The following TSC2 variants were observed in gnomAD, a reference collection of about 807,000 sequenced individuals.
The protein encoded by TSC2 is TSC complex subunit 2, also known as tuberin.
Under a neutral mutation model 202.2 loss-of-function variants are expected in TSC2, and 29 were observed. That is an observed-to-expected ratio of 0.14 (90% CI 0.11 to 0.20). TSC2 has a LOEUF of 0.20. Among genes scored for constraint, TSC2 ranks in the 10% least tolerant of loss-of-function variants. TSC2 has a pLI of 1.00. For synonymous variants in TSC2, 1,349 were observed against 1,044.0 expected, an observed-to-expected ratio of 1.29 and a Z score of -5.63; for missense variants, 2,429 against 2,420.0, an observed-to-expected ratio of 1.00 and a Z score of -0.08.
chr16:2,087,908 G>C lies in TSC2; in HGVS notation c.5035G>C (p.Glu1679Gln), dbSNP rs370404391. 1.2e-6 allele frequency: 2 copies of C among 1,612,880 alleles called. No individual in the cohort carries two copies. The highest frequency in any genetic ancestry group is 1.7e-6 in the Non-Finnish European group (2 of 1,180,010). Residue 1679 changes from glutamate to glutamine, a missense_variant, in exon 39 of 42, where the codon GAG (glutamate) becomes CAG (glutamine). Coordinates refer to ENST00000219476, the MANE Select transcript of TSC2 (RefSeq NM_000548.5). The part of the protein sequence containing the change: ...VHVIVTPLDY[E>Q]CNLVSLQCRK... ...CGTGATCGTCACCCCGCTGGACTAC[G>C]AGTGCAACCTGGTGTCCCTGCAGTG...
rs768132665 is a variant in TSC2 at position 2,071,769 on chromosome 16, C to G, written c.1947-15C>G. On this transcript the variant is annotated splice_polypyrimidine_tract_variant and intron_variant, in intron 18 of 41. Transcript: ENST00000219476. ...TGCGGGGACTTGGCCTCAGCTGCTT[C>G]TCTTGCTTCTGCAGGGAGCCAGAGA... The G allele has an allele frequency of 6.2e-7, 1 of 1,604,430 alleles. No individual in the cohort carries two copies. Among genetic ancestry groups the G allele is most frequent in the Non-Finnish European group, 8.5e-7 (1 of 1,176,166 alleles).
At chr16:2,057,082 C>T in intron 8 of TSC2, 23 bp from the exon 9 acceptor site, 1 of 1,550,854 alleles carries the variant, frequency 6.4e-7, no homozygotes, top group Non-Finnish European at 8.7e-7. Flanking sequence ...CTGCCAGCCC[C>T]TGACACGCAT....
intron 20 of TSC2, 143 bp from the exon 21 acceptor site, chr16:2,072,706 C>G: frequency 7.2e-7 from 1 of 1,380,846 alleles, no homozygotes; most frequent in South Asian, 1.2e-5. Flanking sequence ...AAAGGGAGGC[C>G]CTTCCTGGGA....
intron 24 of TSC2, 44 bp downstream of exon 24, chr16:2,076,214 G>A (rs1476532378): frequency 6.2e-7 from 1 of 1,611,602 alleles, no homozygotes; most frequent in South Asian, 1.1e-5. Context: ...GGTAGGCCAG[G>A]GCTTGCTTTG....
intron 22 of TSC2, 104 bp downstream of exon 22, chr16:2,074,493 T>C: frequency 7.1e-7 from 1 of 1,414,594 alleles, no homozygotes; most frequent in Admixed American, 1.9e-5. Flanking sequence ...GGAACCTGGG[T>C]GTCTCGCCTT....
chr16:2,065,678 G>A (rs375113234), intron 16 of TSC2, 43 bp downstream of exon 16: 1 of 1,533,282 alleles, frequency 6.5e-7, no homozygotes, highest in Non-Finnish European at 9.0e-7. Flanking sequence ...GGCGCGCATG[G>A]CTAGCGTCCA....
At chr16:2,088,372 C>G (rs995881812) in intron 41 of TSC2, 47 bp downstream of exon 41, 1 of 1,612,364 alleles carries the variant, frequency 6.2e-7, no homozygotes, top group African/African-American at 1.3e-5. Context: ...GCTGCCCAAG[C>G]TGTGGGGCGG....
rs753205147 is a variant in TSC2 at position 2,079,320 on chromosome 16, C to T, written c.3176C>T (p.Thr1059Ile). ...EFLLAGGRTK[T>I]WLVGNKLVTV... ...CTCCTAGCGGGTGGCAGGACCAAAA[C>T]CTGGCTGGTTGGGAACAAGCTTGTC... is the stretch of plus-strand genomic sequence containing the variant. The change falls in exon 28 of 42, where the codon ACC becomes ATC. Residue 1059 changes from threonine (T) to isoleucine (I), a missense_variant. Transcript: ENST00000219476. This position sits in a 1 kb window ranked among gnomAD's most constrained non-coding sequence, Gnocchi z 4.6. The T allele has an allele frequency of 6.8e-6, 11 of 1,612,940 alleles. No individual in the cohort carries two copies.
intron 16 of TSC2, among the ~76,000 whole-genome samples, chr16:2,066,976 A>G (rs1223887104): frequency 1.3e-5 from 2 of 151,760 alleles, no homozygotes; most frequent in Non-Finnish European, 2.9e-5. Context: ...TCTACTTTTC[A>G]AAGCCTCACA....
At chr16:2,075,701 C>A in intron 22 of TSC2, 98 bp from the exon 23 acceptor site, 1 of 1,326,994 alleles carries the variant, frequency 7.5e-7, no homozygotes. Context: ...CTCTCCTCTG[C>A]AGCACCCCAT....
chr16:2,062,436 C>T (rs748683678), intron 12 of TSC2, 61 bp from the exon 13 acceptor site: 32 of 1,483,390 alleles, frequency 2.2e-5, no homozygotes, highest in Non-Finnish European at 2.5e-5. Flanking sequence ...ACCAGCAGCC[C>T]AGTGTGGAGA....
At chr16:2,070,411 G>A (rs374807676) in intron 16 of TSC2, 45 bp from the exon 17 acceptor site, 48 of 1,613,002 alleles carry the variant, frequency 3.0e-5, no homozygotes, top group Admixed American at 1.7e-4. Flanking sequence ...TTAGGACTGC[G>A]TTTTCACCTC....
intron 21 of TSC2, among the ~76,000 whole-genome samples, chr16:2,073,974 T>C (rs148042156): frequency 3.0e-4 from 46 of 152,372 alleles, no homozygotes; most frequent in South Asian, 1.2e-3. Flanking sequence ...CCAGCATGTC[T>C]GGGTTCTGTT....
chr16:2,065,676 T>A (rs1159161257), intron 16 of TSC2, 41 bp downstream of exon 16: 1 of 1,528,942 alleles, frequency 6.5e-7, no homozygotes, highest in East Asian at 2.3e-5. Context: ...GGGGCGCGCA[T>A]GGCTAGCGTC....
At chr16:2,086,499 A>C in intron 37 of TSC2, 120 bp downstream of exon 37, 1 of 1,456,726 alleles carries the variant, frequency 6.9e-7, no homozygotes, top group Non-Finnish European at 9.3e-7. Flanking sequence ...CCAGCTCCCC[A>C]CGCCTCAGGT....
chr16:2,079,830 G>A lies in TSC2; in HGVS notation c.3397+161G>A, dbSNP rs191264187. Among the ~76,000 whole-genome samples, 1,107 of 152,306 alleles carry A rather than the reference G, an allele frequency of 7.3e-3. 20 individuals carry two copies. The highest frequency in any genetic ancestry group is 0.025 in the African/African-American group (1,053 of 41,566). ...GGTGAGCCTTCCACAGCTCACCCCA[G>A]AGCCGTGGAGTGGTGGAGTGTGGCC... On this transcript the variant is annotated intron_variant, in intron 29 of 41. Transcript: ENST00000219476. This position sits in a 1 kb window ranked among gnomAD's most constrained non-coding sequence, Gnocchi z 4.6.
At chr16:2,057,380 A>G (rs2086003390) in intron 9 of TSC2, among the ~76,000 whole-genome samples, 1 of 152,130 alleles carries the variant, frequency 6.6e-6, no homozygotes, top group African/African-American at 2.4e-5. Context: ...TCAACAGAAT[A>G]TCCACACCCA....
At chr16:2,078,938 C>A (rs1251587436) in intron 26 of TSC2, 94 bp from the exon 27 acceptor site, 2 of 1,559,586 alleles carry the variant, frequency 1.3e-6, no homozygotes, top group Non-Finnish European at 1.8e-6. Context: ...GCGAGGTCCT[C>A]AGCCGTGCAT....
rs2090589266 is a variant in TSC2 at position 2,085,021 on chromosome 16, A to G, written c.4564A>G (p.Asn1522Asp). 1 of 1,613,276 alleles carries G rather than the reference A, an allele frequency of 6.2e-7. No individual in the cohort carries two copies. Among genetic ancestry groups the G allele is most frequent in the Non-Finnish European group, 8.5e-7 (1 of 1,179,950 alleles). The stretch of plus-strand genomic sequence containing the variant: ...GTCAAACAAGCCAATCCTGCTGCCC[A>G]ATGAGGTAGGCGTGGCCTCCCTCTC... ...DESNKPILLPNESQSFERSVQ... is the reference protein window; with the variant it reads ...DESNKPILLPDESQSFERSVQ... Residue 1522 changes from asparagine to aspartate, a missense_variant, in exon 35 of 42, where the codon AAT (asparagine) becomes GAT (aspartate). Coordinates refer to ENST00000219476, the MANE Select transcript of TSC2 (RefSeq NM_000548.5).
Sources: gnomAD v4.1 joint callset for allele counts (sites outside exome capture counted in the v4.1 genomes callset) on GRCh38, gnomAD v4.1.1 for gene constraint, Gnocchi (gnomAD v3.1) non-coding constraint, MANE v1.5 for transcripts, NCBI Gene and HGNC (gene_info 2026-07-23, HGNC 2026-07-21) for gene names.